Variants in PDE3A observed in about 807,000 individuals in gnomAD.
PDE3A encodes cGMP-inhibited 3',5'-cyclic phosphodiesterase 3A.
PDE3A carries 43 observed loss-of-function variants against 98.3 expected under a neutral mutation model. That is an observed-to-expected ratio of 0.44 (90% CI 0.34 to 0.56). The LOEUF (loss-of-function observed/expected upper bound fraction) is 0.56, where lower values mean the gene tolerates loss of function less well. Ranked by LOEUF, PDE3A falls within the 20% of genes least tolerant of loss-of-function variation. The pLI, the probability that PDE3A is intolerant of heterozygous loss-of-function variation, is 0.01. For missense variants in PDE3A, 1,427 were observed against 1,440.7 expected, an observed-to-expected ratio of 0.99 and a Z score of 0.15; for synonymous variants, 663 against 567.9, an observed-to-expected ratio of 1.17 and a Z score of -2.38.
chr12:20,405,147 C>T (rs564444030), intron 1 of PDE3A, among the ~76,000 whole-genome samples: 18 of 152,134 alleles, frequency 1.2e-4, no homozygotes, highest in Admixed American at 7.2e-4. Flanking sequence ...CTGCCCAAAC[C>T]GCTGCTTCTT....
chr12:20,456,082 G>A (rs1186315114), intron 1 of PDE3A, among the ~76,000 whole-genome samples: 1 of 152,108 alleles, frequency 6.6e-6, no homozygotes, highest in Non-Finnish European at 1.5e-5. Context: ...TTTATATCCA[G>A]GACGTCGCGA....
chr12:20,484,028 GT>G (rs1347616915), intron 1 of PDE3A, among the ~76,000 whole-genome samples: 3 of 152,070 alleles, frequency 2.0e-5, no homozygotes, highest in Non-Finnish European at 4.4e-5. Flanking sequence ...TTAGTGAACA[GT>G]TTTTTGTTTT....
intron 1 of PDE3A, among the ~76,000 whole-genome samples, chr12:20,475,852 A>C (rs959200862): frequency 6.6e-6 from 1 of 152,194 alleles, no homozygotes; most frequent in African/African-American, 2.4e-5. Context: ...TAAGAAAGAA[A>C]GAAACTGAGA....
rs773793195 is a variant in PDE3A, at chr12:20,370,160, C to T, written c.876C>T (p.Ser292=). ...DIPVFKRRRR[S]SSVVSAEMSG... ...CGGTGTTTAAGAGGAGGAGGCGGTC[C>T]AGCTCCGTCGTGTCCGCCGAGATGT... is the stretch of plus-strand genomic sequence containing the variant. Residue 292 remains serine, a synonymous_variant, in exon 1 of 16, where the codon TCC becomes TCT. Transcript: ENST00000359062. The T allele has an allele frequency of 3.3e-5, 53 of 1,612,878 alleles. No individual in the cohort carries two copies. The highest frequency in any genetic ancestry group is 4.2e-5 in the Non-Finnish European group (49 of 1,179,698).
intron 1 of PDE3A, among the ~76,000 whole-genome samples, chr12:20,470,188 GT>G (rs1945413338): frequency 6.6e-6 from 1 of 151,078 alleles, no homozygotes; most frequent in Non-Finnish European, 1.5e-5. Flanking sequence ...GGTCATTTTT[GT>G]TTTTAGTATA....
intron 1 of PDE3A, among the ~76,000 whole-genome samples, chr12:20,521,627 A>T (rs554317198): frequency 6.6e-6 from 1 of 152,308 alleles, no homozygotes; most frequent in Admixed American, 6.5e-5. Flanking sequence ...GCTCATGGAA[A>T]TGTCTGTAAT....
chr12:20,639,520 A>G (rs1944599213), intron 9 of PDE3A, among the ~76,000 whole-genome samples: 1 of 152,060 alleles, frequency 6.6e-6, no homozygotes, highest in Admixed American at 6.6e-5. Context: ...ATATGTATAT[A>G]TTTTTGCCAT....
intron 1 of PDE3A, among the ~76,000 whole-genome samples, chr12:20,395,938 CAG>C (rs1208035292): frequency 6.6e-6 from 1 of 151,828 alleles, no homozygotes; most frequent in African/African-American, 2.4e-5. Flanking sequence ...CACTGTCACT[CAG>C]GCTGAAGTGC....
intron 5 of PDE3A, among the ~76,000 whole-genome samples, chr12:20,622,740 T>G (rs1944166725): frequency 6.6e-6 from 1 of 151,664 alleles, no homozygotes. Flanking sequence ...AATTCCACAT[T>G]AAACCCAAGA....
intron 10 of PDE3A, among the ~76,000 whole-genome samples, chr12:20,644,980 C>T (rs1450747671): frequency 2.6e-5 from 4 of 151,342 alleles, no homozygotes; most frequent in Non-Finnish European, 4.4e-5. Flanking sequence ...CCTCCACCTC[C>T]TGGGTTCAAG....
At chr12:20,574,026 A>G (rs1942868782) in intron 2 of PDE3A, among the ~76,000 whole-genome samples, 1 of 152,146 alleles carries the variant, frequency 6.6e-6, no homozygotes, top group Admixed American at 6.6e-5. Context: ...TATGTCCAGT[A>G]CATGAAGAAA....
intron 1 of PDE3A, among the ~76,000 whole-genome samples, chr12:20,415,018 A>AT (rs35087882): frequency 0.61 from 91,497 of 149,896 alleles, 29,428 homozygotes; most frequent in East Asian, 0.88. Flanking sequence ...TTAATAGCAC[A>AT]TTTTTTTTTT....
intron 15 of PDE3A, among the ~76,000 whole-genome samples, chr12:20,672,024 A>G (rs567302959): frequency 4.0e-5 from 6 of 151,320 alleles, no homozygotes; most frequent in Non-Finnish European, 8.8e-5. Context: ...AAATCAATGT[A>G]CAAAAATCAC....
intron 1 of PDE3A, among the ~76,000 whole-genome samples, chr12:20,433,480 C>A (rs997700706): frequency 1.3e-5 from 2 of 152,044 alleles, no homozygotes; most frequent in Non-Finnish European, 2.9e-5. Flanking sequence ...TGCTTGGGGT[C>A]TCTATATGTA....
chr12:20,613,458 A>G lies in PDE3A; in HGVS notation c.1027A>G (p.Ile343Val). The G allele has an allele frequency of 6.2e-7, 1 of 1,614,090 alleles. No individual in the cohort carries two copies. Among genetic ancestry groups the G allele is most frequent in the Non-Finnish European group, 8.5e-7 (1 of 1,179,966 alleles). ...PRGSQSSGTS[I>V]TVDIAVMGEA... is the part of the protein sequence containing the mutation. ...TGTGTCTCAGTCTTCAGGAACCAGTATTACTGTGGACATCGCCGTCATGGG... is the reference window on the plus strand; with the variant it reads ...TGTGTCTCAGTCTTCAGGAACCAGTGTTACTGTGGACATCGCCGTCATGGG... Residue 343 changes from isoleucine (I) to valine (V), a missense_variant, in exon 3 of 16, where the codon ATT becomes GTT. Physicochemically the swap from Ile to Val is conservative, Grantham distance 29 (BLOSUM62 3). Transcript: ENST00000359062.
chr12:20,378,201 G>C (rs563333949), intron 1 of PDE3A, among the ~76,000 whole-genome samples: 1 of 151,590 alleles, frequency 6.6e-6, no homozygotes, highest in Admixed American at 6.6e-5. Context: ...GTGAGTTTTG[G>C]AGCCATTTTC....
At position 20,456,149 on chromosome 12, in the gene PDE3A, G is replaced by A. The variant is rs564543429; in HGVS notation, c.960+85905G>A. ...CTCTTTCGCAGCACTCCTTCGATGA[G>A]CAGGAGAGTGTATATTTTAGAACCT... On this transcript the variant is annotated intron_variant, in intron 1 of 15. Transcript: ENST00000359062. 2.0e-5 allele frequency among the ~76,000 whole-genome samples: 3 copies of A among 152,240 alleles called. No individual in the cohort carries two copies. The South Asian group carries it at 6.2e-4, about 32-fold the overall frequency.
At chr12:20,397,635 G>A (rs1377493366) in intron 1 of PDE3A, among the ~76,000 whole-genome samples, 5 of 151,946 alleles carry the variant, frequency 3.3e-5, no homozygotes, top group Non-Finnish European at 5.9e-5. Context: ...ATTATTGACT[G>A]ATACTTTAAA....
chr12:20,634,997 G>T lies in PDE3A; in HGVS notation c.1942G>T (p.Glu648Ter), dbSNP rs1221635353. 1 of 1,613,652 alleles carries T rather than the reference G, an allele frequency of 6.2e-7. No individual in the cohort carries two copies. Among genetic ancestry groups the T allele is most frequent in the African/African-American group, 1.3e-5 (1 of 75,034 alleles). Residue 648 changes from glutamate to a stop codon, truncating the protein, a stop_gained, in exon 8 of 16, where the codon GAG (glutamate) becomes TAG (stop). Coordinates refer to ENST00000359062, the MANE Select transcript of PDE3A (RefSeq NM_000921.5). LOFTEE classifies it high-confidence loss of function. ...QNEDETECLR[E>*]PLRKASACST... is the part of the protein sequence containing the mutation. ...TGAAGATGAAACAGAGTGCCTGAGA[G>T]AGCCTCTGAGGAAAGCATCGGCTTG...
Sources: allele counts gnomAD v4.1 joint callset (sites outside exome capture counted in the v4.1 genomes callset), GRCh38; gene constraint gnomAD v4.1.1; transcripts MANE v1.5; gene names NCBI Gene and HGNC (gene_info 2026-07-23, HGNC 2026-07-21).